CSMD1: variants seen among roughly 807,000 people sequenced by gnomAD.
The protein encoded by CSMD1 is CUB and sushi domain-containing protein 1.
Under a neutral mutation model 417.5 loss-of-function variants are expected in CSMD1, and 213 were observed. The observed-to-expected ratio is 0.51, with a 90% confidence interval of 0.46 to 0.57. CSMD1 has a LOEUF of 0.57. Ranked by LOEUF, CSMD1 falls within the 20% of genes least tolerant of loss-of-function variation. CSMD1 has a pLI of 0.00. For synonymous variants in CSMD1, 2,862 were observed against 1,736.8 expected (o/e 1.65, Z -16.11); for missense variants, 6,923 against 4,529.7 (o/e 1.53, Z -15.17).
chr8:4,541,502 C>T (rs1273645289), intron 2 of CSMD1, among the ~76,000 whole-genome samples: 1 of 152,090 alleles, frequency 6.6e-6, no homozygotes. Context: ...AATCCCCACA[C>T]TTTGGGAGGC....
At chr8:4,913,449 G>A (rs1206411379) in intron 1 of CSMD1, among the ~76,000 whole-genome samples, 4 of 152,114 alleles carry the variant, frequency 2.6e-5, no homozygotes, top group Non-Finnish European at 4.4e-5. Context: ...TTCACTGAAT[G>A]CTATTAATGG....
chr8:3,413,764 G>A (rs1466013226), intron 12 of CSMD1, among the ~76,000 whole-genome samples: 1 of 152,146 alleles, frequency 6.6e-6, no homozygotes, highest in African/African-American at 2.4e-5. Flanking sequence ...AGATGAGTAA[G>A]ATACTGTTGA....
At chr8:4,233,615 C>T (rs918221895) in intron 3 of CSMD1, among the ~76,000 whole-genome samples, 5 of 152,116 alleles carry the variant, frequency 3.3e-5, no homozygotes, top group African/African-American at 4.8e-5. Context: ...ACCAGGACAC[C>T]TTGATCTTGG....
At chr8:4,362,419 A>T (rs895698194) in intron 3 of CSMD1, among the ~76,000 whole-genome samples, 1 of 152,146 alleles carries the variant, frequency 6.6e-6, no homozygotes, top group Non-Finnish European at 1.5e-5. Flanking sequence ...GAGGGATTAG[A>T]TGTAACTTTG....
At chr8:4,532,828 T>A (rs1277252094) in intron 2 of CSMD1, among the ~76,000 whole-genome samples, 1 of 142,122 alleles carries the variant, frequency 7.0e-6, no homozygotes, top group African/African-American at 2.7e-5. Context: ...GCACCCGCAT[T>A]CAGTCACTCC....
chr8:3,471,393 T>C (rs1817088197), intron 11 of CSMD1, among the ~76,000 whole-genome samples: 10 of 152,180 alleles, frequency 6.6e-5, no homozygotes, highest in Admixed American at 6.5e-4. Flanking sequence ...ATATAGTCAA[T>C]TTTGGTTCCA....
At chr8:3,081,864 A>T (rs1173010999) in intron 49 of CSMD1, among the ~76,000 whole-genome samples, 1 of 152,162 alleles carries the variant, frequency 6.6e-6, no homozygotes, top group Admixed American at 6.5e-5. Context: ...AATTTTTAAA[A>T]CTCCATCTTT....
intron 5 of CSMD1, among the ~76,000 whole-genome samples, chr8:3,873,584 G>A (rs1409025008): frequency 1.3e-5 from 2 of 152,058 alleles, no homozygotes; most frequent in African/African-American, 4.8e-5. Context: ...GAGAGCATCA[G>A]CAAAAATAAC....
intron 5 of CSMD1, among the ~76,000 whole-genome samples, chr8:3,986,066 C>A (rs946195791): frequency 6.6e-6 from 1 of 152,042 alleles, no homozygotes; most frequent in Non-Finnish European, 1.5e-5. Context: ...TATATGAAGA[C>A]CCCATCCAAA....
chr8:4,132,394 A>T (rs944919658), intron 3 of CSMD1, among the ~76,000 whole-genome samples: 1 of 152,096 alleles, frequency 6.6e-6, no homozygotes, highest in Non-Finnish European at 1.5e-5. Flanking sequence ...ATTCTCTAGT[A>T]TGGTGTCTGA....
At chr8:4,238,794 G>T (rs1802218252) in intron 3 of CSMD1, among the ~76,000 whole-genome samples, 1 of 152,142 alleles carries the variant, frequency 6.6e-6, no homozygotes. Context: ...GACTTAGGCA[G>T]TAACTTTTGT....
chr8:4,124,855 C>T (rs1437761977), intron 3 of CSMD1, among the ~76,000 whole-genome samples: 1 of 152,070 alleles, frequency 6.6e-6, no homozygotes, highest in Non-Finnish European at 1.5e-5. Context: ...ACAAAATAAA[C>T]TAACTCTATA....
intron 11 of CSMD1, among the ~76,000 whole-genome samples, chr8:3,489,481 T>G (rs9314493): frequency 6.6e-6 from 1 of 151,984 alleles, no homozygotes; most frequent in East Asian, 1.9e-4. Context: ...GGGAAGGCCA[T>G]AGCTCTCCAT....
chr8:4,310,976 G>C (rs1258511053), intron 3 of CSMD1, among the ~76,000 whole-genome samples: 1 of 152,186 alleles, frequency 6.6e-6, no homozygotes, highest in Non-Finnish European at 1.5e-5. Context: ...CAGTCGGAAT[G>C]GCTACTGAAA....
At chr8:3,317,537 T>C (rs1220020887) in intron 23 of CSMD1, among the ~76,000 whole-genome samples, 1 of 152,190 alleles carries the variant, frequency 6.6e-6, no homozygotes, top group Non-Finnish European at 1.5e-5. Context: ...CTTCTTTGTA[T>C]AGCAAGGGGT....
intron 2 of CSMD1, among the ~76,000 whole-genome samples, chr8:4,578,879 T>C (rs372498593): frequency 1.3e-5 from 2 of 151,214 alleles, no homozygotes; most frequent in East Asian, 4.0e-4. Context: ...AGGCACATTT[T>C]ACTAGATCAT....
chr8:4,249,704 G>T (rs1802936095), intron 3 of CSMD1, among the ~76,000 whole-genome samples: 1 of 152,152 alleles, frequency 6.6e-6, no homozygotes, highest in Non-Finnish European at 1.5e-5. Flanking sequence ...AAATAAAGCT[G>T]GAAGACTTGG....
At chr8:4,701,665 C>T (rs1807560755) in intron 1 of CSMD1, among the ~76,000 whole-genome samples, 1 of 152,054 alleles carries the variant, frequency 6.6e-6, no homozygotes, top group African/African-American at 2.4e-5. Context: ...CCACACATCT[C>T]CTCTGTCAAA....
chr8:3,939,437 T>C (rs189939638), intron 5 of CSMD1, among the ~76,000 whole-genome samples: 1 of 152,238 alleles, frequency 6.6e-6, no homozygotes, highest in East Asian at 1.9e-4. Context: ...ACAACTACTA[T>C]GAAAGACAGT....
Sources: allele counts gnomAD v4.1 joint callset (sites outside exome capture counted in the v4.1 genomes callset), GRCh38; gene constraint gnomAD v4.1.1; transcripts MANE v1.5; gene names NCBI Gene and HGNC (gene_info 2026-07-23, HGNC 2026-07-21).